The following QPCT variants were observed in gnomAD, a reference collection of about 807,000 sequenced individuals.
The protein encoded by QPCT is EC.
A neutral mutation model predicts 43.4 loss-of-function variants in QPCT; 44 were observed. The observed-to-expected ratio is 1.01, with a 90% CI of 0.80 to 1.30. The LOEUF is 1.30. Among genes scored for constraint, QPCT ranks in the 50% most tolerant of loss-of-function variants. QPCT has a pLI of 0.00. For missense variants in QPCT, 526 were observed against 436.5 expected, an observed-to-expected ratio of 1.21 and a Z score of -1.83; for synonymous variants, 168 against 168.4, an observed-to-expected ratio of 1.00 and a Z score of 0.02.
At position 37,344,736 on chromosome 2, in the gene QPCT, C is replaced by T. The variant is rs947138870; in HGVS notation, c.5C>T (p.Ala2Val). Reference protein sequence around the residue: MAGGRHRRVVGT... With the variant: MVGGRHRRVVGT... ...CTCCCAGACAGACTCGGAGAGATGG[C>T]AGGCGGAAGACACCGGCGCGTCGTG... Residue 2 changes from alanine (A) to valine (V), a missense_variant, in exon 1 of 7, where the codon GCA (alanine) becomes GTA (valine). By Grantham distance (64) the Ala-to-Val change is moderately conservative. Transcript: ENST00000338415. 3.7e-6 allele frequency: 6 copies of T among 1,602,084 alleles called. No homozygotes were observed. Among genetic ancestry groups the T allele is most frequent in the African/African-American group, 2.7e-5 (2 of 74,364 alleles).
At chr2:37,361,753 G>A (rs1487320710) in intron 3 of QPCT, among the ~76,000 whole-genome samples, 3 of 152,190 alleles carry the variant, frequency 2.0e-5, no homozygotes, top group Non-Finnish European at 4.4e-5. Flanking sequence ...GGTATTTTAA[G>A]CCACTGTGTT....
At chr2:37,351,595 C>G (rs1423951248) in intron 1 of QPCT, among the ~76,000 whole-genome samples, 1 of 152,116 alleles carries the variant, frequency 6.6e-6, no homozygotes, top group Non-Finnish European at 1.5e-5. Flanking sequence ...GAAATAATGA[C>G]TCAGGGCTGG....
At chr2:37,348,144 C>T (rs3821142) in intron 1 of QPCT, among the ~76,000 whole-genome samples, 90,555 of 151,614 alleles carry the variant, frequency 0.6, 27,693 homozygotes, top group East Asian at 0.91. Context: ...CAGGCAGTGA[C>T]GTGGAAGTTA....
In QPCT at chr2:37,371,770, C is replaced by T. The variant is rs187897839; in HGVS notation, c.824-586C>T. On this transcript the variant is annotated intron_variant, in intron 5 of 6. Transcript: ENST00000338415. The stretch of plus-strand genomic sequence containing the variant: ...TTCCACACAGATTGCTGGACTCCAG[C>T]CCCAGAATTTCTGTAAGTCTGAGAT... Among the ~76,000 whole-genome samples, 6 of 152,240 alleles carry T rather than the reference C, an allele frequency of 3.9e-5. No individual in the cohort carries two copies. In the East Asian group the frequency reaches 1.2e-3, roughly 29 times the overall value.
intron 4 of QPCT, 36 bp from the exon 5 acceptor site, chr2:37,369,649 G>C (rs1475956302): frequency 6.9e-7 from 1 of 1,441,020 alleles, no homozygotes; most frequent in East Asian, 2.3e-5. Flanking sequence ...AACACGTTTT[G>C]GTGATGGTGA....
intron 1 of QPCT, among the ~76,000 whole-genome samples, chr2:37,346,605 C>T (rs1427641768): frequency 1.3e-5 from 2 of 152,162 alleles, no homozygotes; most frequent in Admixed American, 6.5e-5. Context: ...TTTTGAGAAA[C>T]GTCTTTTAAA....
intron 1 of QPCT, 80 bp downstream of exon 1, chr2:37,344,931 A>C: frequency 6.9e-7 from 1 of 1,455,978 alleles, no homozygotes; most frequent in Non-Finnish European, 9.0e-7. Flanking sequence ...AGCCCTACCT[A>C]GGCAGAGCGG....
At chr2:37,371,169 T>C (rs998465822) in intron 5 of QPCT, among the ~76,000 whole-genome samples, 3 of 152,136 alleles carry the variant, frequency 2.0e-5, no homozygotes, top group Non-Finnish European at 4.4e-5. Flanking sequence ...TTGGGCTTCT[T>C]CCTTGCAGCA....
chr2:37,346,487 C>G (rs1672491112), intron 1 of QPCT, among the ~76,000 whole-genome samples: 1 of 152,144 alleles, frequency 6.6e-6, no homozygotes, highest in Non-Finnish European at 1.5e-5. Flanking sequence ...GGAAACTGAA[C>G]AAACCACTCT....
chr2:37,356,093 A>G lies in QPCT; in HGVS notation c.267+3158A>G, dbSNP rs75400162. On this transcript the variant is annotated intron_variant, in intron 2 of 6. Transcript: ENST00000338415. ...TGGAAAATCGGCTTCCTCCAAGCAA[A>G]TCTGGTCTACTGATGTCATTGTTTC... Among the ~76,000 whole-genome samples, 59 of 152,266 alleles carry G rather than the reference A, an allele frequency of 3.9e-4. 1 individual carries two copies. In the East Asian group the frequency reaches 0.011, roughly 28 times the overall value.
intron 6 of QPCT, 76 bp downstream of exon 6, chr2:37,372,548 A>T: frequency 1.4e-6 from 2 of 1,470,704 alleles, no homozygotes; most frequent in Non-Finnish European, 9.5e-7. Context: ...GTGGGATATG[A>T]GAAAGTACAC....
rs570095814 is a variant in QPCT, at chr2:37,346,380, T to C, written c.120+1529T>C. Among the ~76,000 whole-genome samples, 8 of 152,340 alleles carry C rather than the reference T, an allele frequency of 5.3e-5. No individual in the cohort carries two copies. In the South Asian group the frequency reaches 1.7e-3, roughly 32 times the overall value. On this transcript the variant is annotated intron_variant, in intron 1 of 6. Transcript: ENST00000338415. ...CTTCTCTTCACTGAGAATACCCTTC[T>C]GGTCAGAAATTGGGAAGAGAACATT...
At chr2:37,363,489 G>A (rs899493299) in intron 3 of QPCT, among the ~76,000 whole-genome samples, 3 of 148,804 alleles carry the variant, frequency 2.0e-5, no homozygotes, top group African/African-American at 7.5e-5. Flanking sequence ...AAATTAGCTG[G>A]TTATGGTGGT....
intron 2 of QPCT, among the ~76,000 whole-genome samples, chr2:37,358,257 C>CA (rs542984773): frequency 5.0e-3 from 760 of 151,562 alleles, no homozygotes; most frequent in Non-Finnish European, 7.7e-3. Flanking sequence ...TACAAAAAAC[C>CA]AAAAAAACAA....
At chr2:37,369,609 C>A in intron 4 of QPCT, 76 bp from the exon 5 acceptor site, 3 of 1,088,250 alleles carry the variant, frequency 2.8e-6, no homozygotes, top group Non-Finnish European at 4.2e-6. Flanking sequence ...TTAATTTTGA[C>A]TGATTGTATT....
At chr2:37,362,319 A>G (rs1276303107) in intron 3 of QPCT, among the ~76,000 whole-genome samples, 2 of 152,232 alleles carry the variant, frequency 1.3e-5, no homozygotes, top group African/African-American at 4.8e-5. Flanking sequence ...GAAGCTTAGA[A>G]TGTCTCTACT....
intron 3 of QPCT, among the ~76,000 whole-genome samples, chr2:37,360,649 A>G (rs1377906405): frequency 1.3e-5 from 2 of 152,294 alleles, no homozygotes; most frequent in South Asian, 2.1e-4. Context: ...AAAGAAGTAA[A>G]AAGTTTATCT....
intron 1 of QPCT, among the ~76,000 whole-genome samples, chr2:37,345,535 G>T (rs1394669581): frequency 6.6e-6 from 1 of 152,198 alleles, no homozygotes; most frequent in Admixed American, 6.5e-5. Flanking sequence ...AGTTCCCTCT[G>T]TAAGAAGTGT....
chr2:37,353,500 C>G (rs745799864), intron 2 of QPCT, among the ~76,000 whole-genome samples: 1 of 152,158 alleles, frequency 6.6e-6, no homozygotes, highest in Admixed American at 6.5e-5. Flanking sequence ...AAAACTTCCA[C>G]GAAAAATATT....
Sources: allele counts gnomAD v4.1 joint callset (sites outside exome capture counted in the v4.1 genomes callset), GRCh38; gene constraint gnomAD v4.1.1; transcripts MANE v1.5; gene names NCBI Gene and HGNC (gene_info 2026-07-23, HGNC 2026-07-21).